The following TMEM138 variants were observed in gnomAD, a reference collection of about 807,000 sequenced individuals.
TMEM138 encodes transmembrane protein 138.
TMEM138 carries 9 observed loss-of-function variants against 18.1 expected under a neutral mutation model. The observed-to-expected ratio is 0.50, with a 90% CI of 0.30 to 0.87. The LOEUF (loss-of-function observed/expected upper bound fraction) is 0.87. Among genes scored for constraint, TMEM138 ranks in the 40% least tolerant of loss-of-function variants. The pLI, the probability that TMEM138 is intolerant of heterozygous loss-of-function variation, is 0.06. For synonymous variants in TMEM138, 79 were observed against 74.8 expected (o/e 1.06, Z -0.29); for missense variants, 189 against 190.6 (o/e 0.99, Z 0.05).
chr11:61,376,167 G>A (rs538661430), downstream of TMEM138, among the ~76,000 whole-genome samples: 2 of 152,262 alleles, frequency 1.3e-5, no homozygotes, highest in South Asian at 4.1e-4. Context: ...TGGCCAACAT[G>A]GTGAAACCCC....
chr11:61,372,509 G>A (rs1260672501), downstream of TMEM138, among the ~76,000 whole-genome samples: 1 of 151,384 alleles, frequency 6.6e-6, no homozygotes, highest in East Asian at 1.9e-4. Flanking sequence ...AAAGCTGGGT[G>A]CGGTGGCTCA....
At position 61,368,070 on chromosome 11, in the gene TMEM138, G is replaced by A. The variant is rs765958050; in HGVS notation, c.376+72G>A. 3.3e-5 allele frequency: 35 copies of A among 1,070,332 alleles called. No individual in the cohort carries two copies. In the South Asian group the frequency reaches 4.3e-4, roughly 13 times the overall value. 66.3% of individuals were successfully genotyped at this position (1,070,332 alleles called of 1,614,324 possible). On this transcript the variant is annotated intron_variant, in intron 4 of 4. Coordinates refer to ENST00000278826, the MANE Select transcript of TMEM138 (RefSeq NM_016464.5). ...CTCTTTCAGTGAGGGCCTTGATGCT[G>A]GCTTCCCAGACCTGTCCCAGCTGGC...
chr11:61,372,521 G>A (rs983246715), downstream of TMEM138, among the ~76,000 whole-genome samples: 2 of 150,068 alleles, frequency 1.3e-5, no homozygotes, highest in Non-Finnish European at 1.5e-5. Context: ...GGTGGCTCAC[G>A]CCTGTAATCC....
chr11:61,366,471 C>CTTTTCT, intron 3 of TMEM138: 2 of 261,218 alleles, frequency 7.7e-6, no homozygotes, highest in Non-Finnish European at 1.4e-5. Flanking sequence ...CTTTTCTTTT[C>CTTTTCT]TTTTTTTTTT....
chr11:61,373,096 C>G (rs947543871), downstream of TMEM138, among the ~76,000 whole-genome samples: 1 of 152,198 alleles, frequency 6.6e-6, no homozygotes, highest in African/African-American at 2.4e-5. Flanking sequence ...ATGTTAAACA[C>G]TGACGGCAAT....
downstream of TMEM138, among the ~76,000 whole-genome samples, chr11:61,372,483 C>CAA (rs555340626): frequency 1.5e-4 from 13 of 84,650 alleles, no homozygotes; most frequent in Admixed American, 8.8e-4. Context: ...CATTCTTTCT[C>CAA]AAAAAAAAAA....
At chr11:61,376,153 A>T (rs1026841685), downstream of TMEM138, among the ~76,000 whole-genome samples, 1 of 152,218 alleles carries the variant, frequency 6.6e-6, no homozygotes, top group African/African-American at 2.4e-5. Context: ...ATTCAACACC[A>T]GCCTGGCCAA....
intron 2 of TMEM138, among the ~76,000 whole-genome samples, chr11:61,365,350 C>T (rs1054764757): frequency 9.9e-5 from 15 of 151,710 alleles, no homozygotes; most frequent in East Asian, 2.0e-4. Context: ...AACCTCCGCC[C>T]CCTGGGTTCA....
In TMEM138 at chr11:61,367,959, A is replaced by T; in HGVS notation, c.337A>T (p.Thr113Ser). The change falls in exon 4 of 5, where the codon ACA becomes TCA. Residue 113 changes from threonine to serine, a missense_variant. Coordinates refer to ENST00000278826, the MANE Select transcript of TMEM138 (RefSeq NM_016464.5). ...GAAAAACTCCAACAGCTTCATATGG[A>T]CAGATGGACTTCAAATGCTGTTTGT... ...RWKNSNSFIW[T>S]DGLQMLFVFQ... 1 of 1,613,858 alleles carries T rather than the reference A, an allele frequency of 6.2e-7. No homozygotes were observed. Among genetic ancestry groups the T allele is most frequent in the South Asian group, 1.1e-5 (1 of 91,072 alleles).
At position 61,364,382 on chromosome 11, in the gene TMEM138, A is replaced by T; in HGVS notation, c.-9A>T. 1 of 1,613,916 alleles carries T rather than the reference A, an allele frequency of 6.2e-7. No individual in the cohort carries two copies. Among genetic ancestry groups the T allele is most frequent in the Non-Finnish European group, 8.5e-7 (1 of 1,179,854 alleles). ...TGTGCCCTTGGGGGCCCGAGAAAAC[A>T]GAAGGAAGATGCTCCAGACCAGTAA... On this transcript the variant is annotated 5_prime_UTR_variant, in exon 2 of 5. Coordinates refer to ENST00000278826, the MANE Select transcript of TMEM138 (RefSeq NM_016464.5).
chr11:61,368,139 T>C lies in TMEM138; in HGVS notation c.376+141T>C, dbSNP rs747029467. On this transcript the variant is annotated intron_variant, in intron 4 of 4. Transcript: ENST00000278826. ...CCACACCAGGAACAGGAGGGATTAC[T>C]GCCCCTGCCCTTGCTAGAAGACTAT... The C allele has an allele frequency of 2.4e-5, 18 of 760,474 alleles. 1 individual carries two copies. The highest frequency in any genetic ancestry group is 2.3e-4 in the South Asian group (17 of 73,264). 47.1% of individuals were successfully genotyped at this position (760,474 alleles called of 1,614,324 possible). A position where few individuals can be genotyped will look rare whatever the true frequency, so the allele number is the denominator to read the frequency against.
At chr11:61,366,461 C>T in intron 3 of TMEM138, 1 of 400,600 alleles carries the variant, frequency 2.5e-6, no homozygotes, top group Non-Finnish European at 4.4e-6. Flanking sequence ...CTTTTCTTTT[C>T]TTTTCTTTTC....
At chr11:61,368,210 T>TG in intron 4 of TMEM138, 1 of 673,994 alleles carries the variant, frequency 1.5e-6, no homozygotes, top group African/African-American at 1.8e-5. Flanking sequence ...GGTTCTGTTC[T>TG]TTTTGTTTGT....
At chr11:61,372,559 G>C (rs376060754), downstream of TMEM138, among the ~76,000 whole-genome samples, 2 of 151,946 alleles carry the variant, frequency 1.3e-5, no homozygotes, top group East Asian at 3.9e-4. Context: ...AAGGCGGGGG[G>C]ATCGTGAAGT....
downstream of TMEM138, among the ~76,000 whole-genome samples, chr11:61,372,177 GAAAAA>G (rs34248583): frequency 1.6e-5 from 2 of 128,900 alleles, no homozygotes; most frequent in African/African-American, 2.9e-5. Flanking sequence ...CTCTGTCTCA[GAAAAA>G]AAAAAAAAAA....
chr11:61,368,551 T>C, intron 4 of TMEM138, 46 bp from the exon 5 acceptor site: 2 of 1,345,964 alleles, frequency 1.5e-6, no homozygotes, highest in Non-Finnish European at 2.1e-6. Flanking sequence ...CCTGAAATGA[T>C]ACTCAGGAGC....
chr11:61,367,865 T>TGGAGACGTTAG lies in TMEM138; in HGVS notation c.301-52_301-51insGTTAGGGAGAC, dbSNP rs1554969991. 4.6e-6 allele frequency: 5 copies of TGGAGACGTTAG among 1,088,934 alleles called. No individual in the cohort carries two copies. In the East Asian group the frequency reaches 1.2e-4, roughly 26 times the overall value. The allele number at this position is 1,088,934 out of a possible 1,614,324, so 67.5% of individuals were successfully genotyped here. On this transcript the variant is annotated intron_variant, in intron 3 of 4. Transcript: ENST00000278826. The stretch of plus-strand genomic sequence containing the variant: ...CTGGCATCTCTGCAGCTAACCAAGT[T>TGGAGACGTTAG]GGAGACATTAGGGCTTCTTGTGGCC...
chr11:61,370,891 G>A (rs951513645), downstream of TMEM138, among the ~76,000 whole-genome samples: 1 of 152,170 alleles, frequency 6.6e-6, no homozygotes, highest in South Asian at 2.1e-4. Context: ...ATGGCCTTGG[G>A]ATCCATTGGC....
At position 61,368,964 on chromosome 11, in the gene TMEM138, A is replaced by T; in HGVS notation, c.*255A>T. ...CTTTCCTTCCTTTCCTCTCTGTACCATTCATTCTCCCTGACCGGCCTTTCT... is the reference window on the plus strand; with the variant it reads ...CTTTCCTTCCTTTCCTCTCTGTACCTTTCATTCTCCCTGACCGGCCTTTCT... On this transcript the variant is annotated 3_prime_UTR_variant, in exon 5 of 5. Coordinates refer to ENST00000278826, the MANE Select transcript of TMEM138 (RefSeq NM_016464.5). The T allele has an allele frequency of 9.1e-6, 4 of 437,640 alleles. No individual in the cohort carries two copies. In the South Asian group the frequency reaches 1.1e-4, roughly 12 times the overall value. 27.1% of individuals were successfully genotyped at this position (437,640 alleles called of 1,614,324 possible).
Sources: allele counts gnomAD v4.1 joint callset (sites outside exome capture counted in the v4.1 genomes callset), GRCh38; gene constraint gnomAD v4.1.1; transcripts MANE v1.5; gene names NCBI Gene and HGNC (gene_info 2026-07-23, HGNC 2026-07-21).